MFAP3: variants seen among roughly 807,000 people sequenced by gnomAD.
MFAP3 encodes the protein microfibril-associated glycoprotein 3.
A neutral mutation model predicts 20.5 loss-of-function variants in MFAP3; 8 were observed. That is an observed-to-expected ratio of 0.39 (90% CI 0.23 to 0.70). The LOEUF (loss-of-function observed/expected upper bound fraction) is 0.70, where lower values mean the gene tolerates loss of function less well. Among genes scored for constraint, MFAP3 ranks in the 30% least tolerant of loss-of-function variants. The pLI is 0.44. For missense variants in MFAP3, 398 were observed against 444.6 expected, an observed-to-expected ratio of 0.90 and a Z score of 0.94; for synonymous variants, 140 against 154.0, an observed-to-expected ratio of 0.91 and a Z score of 0.67.
At position 154,049,892 on chromosome 5, in the gene MFAP3, A is replaced by G. The variant is rs140399898; in HGVS notation, c.170A>G (p.Asp57Gly). The change falls in exon 2 of 3, where the codon GAT (aspartate) becomes GGT (glycine). Residue 57 changes from aspartate (D) to glycine (G), a missense_variant. Physicochemically the swap from Asp to Gly is moderately conservative, Grantham distance 94. Coordinates refer to ENST00000522782, the MANE Select transcript of MFAP3 (RefSeq NM_005927.5). ...GAACTCTCAGCAAGTTCCCACTCGG[A>G]TGATGATGTCATCATAGCCAAAGAG... Reference protein sequence around the residue: ...SFELSASSHSDDDVIIAKEGT... With the variant: ...SFELSASSHSGDDVIIAKEGT... The G allele has an allele frequency of 2.7e-4, 433 of 1,613,716 alleles. 3 individuals are homozygous for G. In the Middle Eastern group the frequency reaches 4.1e-3, roughly 15 times the overall value.
rs768886979 is a variant in MFAP3 at position 154,053,313 on chromosome 5, G to A, written c.689G>A (p.Arg230His). 39 of 1,613,932 alleles carry A rather than the reference G, an allele frequency of 2.4e-5. 1 individual carries two copies. The highest frequency in any genetic ancestry group is 1.9e-4 in the South Asian group (17 of 91,078). The change falls in exon 3 of 3, where the codon CGT (arginine) becomes CAT (histidine). Residue 230 changes from arginine (R) to histidine (H), a missense_variant. By Grantham distance (29) the Arg-to-His change is conservative (BLOSUM62 0). Coordinates refer to ENST00000522782, the MANE Select transcript of MFAP3 (RefSeq NM_005927.5). ...CAATTTAAGACCATGGAGTTTGCTC[G>A]TTATATTGAAGAACTGGCAAGAAGT... ...VTQFKTMEFA[R>H]YIEELARSVP...
chr5:154,050,610 C>CTTTT (rs11167656), intron 2 of MFAP3, among the ~76,000 whole-genome samples: 162 of 93,194 alleles, frequency 1.7e-3, no homozygotes, highest in Non-Finnish European at 2.1e-3. Flanking sequence ...CCTTCCAGCT[C>CTTTT]TTTTTTTTTT....
rs1773293223 is a variant in MFAP3 at position 154,054,971 on chromosome 5, GGAA to G, written c.*1262_*1264del. 1 of 166,958 alleles carries G rather than the reference GGAA, an allele frequency of 6.0e-6. No individual in the cohort carries two copies. Among genetic ancestry groups the G allele is most frequent in the Admixed American group, 6.5e-5 (1 of 15,274 alleles). 10.3% of individuals were successfully genotyped at this position (166,958 alleles called of 1,614,324 possible). A position where few individuals can be genotyped will look rare whatever the true frequency, so the allele number is the denominator to read the frequency against. On this transcript the variant is annotated 3_prime_UTR_variant, in exon 3 of 3. Coordinates refer to ENST00000522782, the MANE Select transcript of MFAP3 (RefSeq NM_005927.5). ...CACACAACTGATCTAGACATCAAGA[GGAA>G]GAAAAATGATGGATGATGCCACCTG...
At chr5:154,052,649 G>T (rs1440921408) in intron 2 of MFAP3, among the ~76,000 whole-genome samples, 1 of 152,048 alleles carries the variant, frequency 6.6e-6, no homozygotes, top group Admixed American at 6.5e-5. Context: ...TCACAGAAAG[G>T]CTTTTGAAGT....
chr5:154,046,698 C>T (rs1581862849), intron 1 of MFAP3, among the ~76,000 whole-genome samples: 2 of 152,292 alleles, frequency 1.3e-5, no homozygotes, highest in African/African-American at 4.8e-5. Flanking sequence ...TGAGGACACT[C>T]ATTGCCCTGC....
chr5:154,048,967 G>A (rs1773121141), intron 1 of MFAP3, among the ~76,000 whole-genome samples: 1 of 152,206 alleles, frequency 6.6e-6, no homozygotes, highest in African/African-American at 2.4e-5. Flanking sequence ...CTATTTATGT[G>A]TATGCAGTAA....
Position 154,053,777 on chromosome 5 carries a change from TAGA to T in MFAP3, c.*70_*72del. 6.9e-7 allele frequency: 1 copy of T among 1,443,388 alleles called. No individual in the cohort carries two copies. The allele number at this position is 1,443,388 out of a possible 1,614,324, so 89.4% of individuals were successfully genotyped here. A position where few individuals can be genotyped will look rare whatever the true frequency, so the allele number is the denominator to read the frequency against. ...GCTCTCAGAAAAGGAACCTGTTTCT[TAGA>T]AGAAGTAACATTTTTGCCAAAAGAT... is the stretch of plus-strand genomic sequence containing the variant. On this transcript the variant is annotated 3_prime_UTR_variant, in exon 3 of 3. Transcript: ENST00000522782.
chr5:154,054,478 G>C lies in MFAP3; in HGVS notation c.*765G>C, dbSNP rs1478020844. On this transcript the variant is annotated 3_prime_UTR_variant, in exon 3 of 3. Transcript: ENST00000522782. ...TGAGATATCATTTTAGTTCATTGAGGTTGGCAGGGATTGCCTAACTGATCT... is the reference window on the plus strand; with the variant it reads ...TGAGATATCATTTTAGTTCATTGAGCTTGGCAGGGATTGCCTAACTGATCT... 2.4e-5 allele frequency: 4 copies of C among 166,908 alleles called. No homozygotes were observed. In the Admixed American group the frequency reaches 2.6e-4, roughly 11 times the overall value. The allele number at this position is 166,908 out of a possible 1,614,324, so 10.3% of individuals were successfully genotyped here. A position where few individuals can be genotyped will look rare whatever the true frequency, so the allele number is the denominator to read the frequency against.
chr5:154,053,939 T>C lies in MFAP3; in HGVS notation c.*226T>C, dbSNP rs1581868796. On this transcript the variant is annotated 3_prime_UTR_variant, in exon 3 of 3. Transcript: ENST00000522782. ...TAGAGCTTTATTAAATTATGCATGC[T>C]AAGATTTAAAGGAGCCCCAGATAAA... 12 of 464,872 alleles carry C rather than the reference T, an allele frequency of 2.6e-5. No individual in the cohort carries two copies. Among genetic ancestry groups the C allele is most frequent in the East Asian group, 2.6e-4 (7 of 27,260 alleles). The allele number at this position is 464,872 out of a possible 1,614,324, so 28.8% of individuals were successfully genotyped here.
Position 154,052,942 on chromosome 5 carries a change from T to A in MFAP3, c.318T>A (p.Asp106Glu). 1 of 1,611,758 alleles carries A rather than the reference T, an allele frequency of 6.2e-7. No homozygotes were observed. The highest frequency in any genetic ancestry group is 8.5e-7 in the Non-Finnish European group (1 of 1,178,404). ...RSRGGKWLVSDNFLNITNVAF... is the reference protein window; with the variant it reads ...RSRGGKWLVSENFLNITNVAF... ...CAGGTGGAAAGTGGTTGGTTTCTGA[T>A]AACTTCCTAAACATCACCAATGTAG... The change falls in exon 3 of 3, where the codon GAT (aspartate) becomes GAA (glutamate). Residue 106 changes from aspartate to glutamate, a missense_variant. Coordinates refer to ENST00000522782, the MANE Select transcript of MFAP3 (RefSeq NM_005927.5).
Position 154,054,263 on chromosome 5 carries a change from T to C in MFAP3, c.*550T>C, listed in dbSNP as rs1042842308. The C allele has an allele frequency of 6.0e-6, 1 of 167,794 alleles. No homozygotes were observed. The highest frequency in any genetic ancestry group is 2.4e-5 in the African/African-American group (1 of 41,466). The allele number at this position is 167,794 out of a possible 1,614,324, so 10.4% of individuals were successfully genotyped here. On this transcript the variant is annotated 3_prime_UTR_variant, in exon 3 of 3. Transcript: ENST00000522782. ...CCAATGTCATAATGCACAGAGGTTT[T>C]TGAAAAACATCTGAGTGTTTTTCAG...
intron 1 of MFAP3, among the ~76,000 whole-genome samples, chr5:154,044,937 T>TA (rs36081972): frequency 0.16 from 23,430 of 145,694 alleles, 1,980 homozygotes; most frequent in Middle Eastern, 0.28. Flanking sequence ...TTTCTTTTTT[T>TA]AAAAAAAAAA....
At chr5:154,046,202 G>A (rs1201459901) in intron 1 of MFAP3, among the ~76,000 whole-genome samples, 1 of 152,198 alleles carries the variant, frequency 6.6e-6, no homozygotes. Context: ...ATCAGGTTGG[G>A]AGTCGGAAGA....
chr5:154,057,316 C>G lies in MFAP3; in HGVS notation c.*3603C>G, dbSNP rs929205437. On this transcript the variant is annotated 3_prime_UTR_variant, in exon 3 of 3. Coordinates refer to ENST00000522782, the MANE Select transcript of MFAP3 (RefSeq NM_005927.5). ...ATTTCACAAAAGTAAATAAGTATTT[C>G]ATATAATTCAGAGGATGTTTAAATT... Among the ~76,000 whole-genome samples, 1 of 152,190 alleles carries G rather than the reference C, an allele frequency of 6.6e-6. No individual in the cohort carries two copies. The highest frequency in any genetic ancestry group is 2.4e-5 in the African/African-American group (1 of 41,442).
intron 1 of MFAP3, among the ~76,000 whole-genome samples, chr5:154,046,390 C>T (rs1389504003): frequency 6.6e-6 from 1 of 152,130 alleles, no homozygotes; most frequent in Non-Finnish European, 1.5e-5. Context: ...AACTAATCTC[C>T]ATCAATATTT....
At position 154,053,772 on chromosome 5, in the gene MFAP3, T is replaced by C; in HGVS notation, c.*59T>C. ...AGCTCGCTCTCAGAAAAGGAACCTG[T>C]TTCTTAGAAGAAGTAACATTTTTGC... On this transcript the variant is annotated 3_prime_UTR_variant, in exon 3 of 3. Transcript: ENST00000522782. The C allele has an allele frequency of 6.8e-7, 1 of 1,469,370 alleles. No homozygotes were observed. The highest frequency in any genetic ancestry group is 9.2e-7 in the Non-Finnish European group (1 of 1,088,820). 91.0% of individuals were successfully genotyped at this position (1,469,370 alleles called of 1,614,324 possible).
rs768072671 is a variant in MFAP3 at position 154,053,004 on chromosome 5, C to A, written c.380C>A (p.Thr127Asn). 65 of 1,613,738 alleles carry A rather than the reference C, an allele frequency of 4.0e-5. No homozygotes were observed. Among genetic ancestry groups the A allele is most frequent in the Non-Finnish European group, 4.8e-5 (57 of 1,179,874 alleles). ...DDRGLYTCFVTSPIRASYSVT... is the reference protein window; with the variant it reads ...DDRGLYTCFVNSPIRASYSVT... ...CGTGGGCTCTATACCTGTTTCGTCACCTCTCCAATTCGTGCCTCCTACTCT... is the reference window on the plus strand; with the variant it reads ...CGTGGGCTCTATACCTGTTTCGTCAACTCTCCAATTCGTGCCTCCTACTCT... The change falls in exon 3 of 3, where the codon ACC (threonine) becomes AAC (asparagine). Residue 127 changes from threonine (T) to asparagine (N), a missense_variant. Physicochemically the swap from Thr to Asn is moderately conservative, Grantham distance 65 (BLOSUM62 0). Coordinates refer to ENST00000522782, the MANE Select transcript of MFAP3 (RefSeq NM_005927.5).
chr5:154,055,431 C>G lies in MFAP3; in HGVS notation c.*1718C>G, dbSNP rs140648270. On this transcript the variant is annotated 3_prime_UTR_variant, in exon 3 of 3. Transcript: ENST00000522782. ...AAGATGATAATGCTGCCTTTTCTGTCTCTCAGGCTGTTTCCATGGAAACCT... is the reference window on the plus strand; with the variant it reads ...AAGATGATAATGCTGCCTTTTCTGTGTCTCAGGCTGTTTCCATGGAAACCT... 4.5e-4 allele frequency among the ~76,000 whole-genome samples: 69 copies of G among 152,298 alleles called. No homozygotes were observed. The highest frequency in any genetic ancestry group is 8.1e-4 in the Non-Finnish European group (55 of 68,030).
intron 1 of MFAP3, among the ~76,000 whole-genome samples, chr5:154,043,561 C>T (rs909836685): frequency 1.6e-4 from 24 of 151,930 alleles, no homozygotes; most frequent in African/African-American, 5.3e-4. Flanking sequence ...CACACACACA[C>T]ACACACAAAA....
Sources: allele counts gnomAD v4.1 joint callset (sites outside exome capture counted in the v4.1 genomes callset), GRCh38; gene constraint gnomAD v4.1.1; transcripts MANE v1.5; gene names NCBI Gene and HGNC (gene_info 2026-07-23, HGNC 2026-07-21).